Variants in CDK1 observed in about 807,000 individuals in gnomAD.
CDK1 encodes the protein cyclin-dependent kinase 1.
Under a neutral mutation model 34.6 loss-of-function variants are expected in CDK1, and 5 were observed. That is an observed-to-expected ratio of 0.14 (90% CI 0.08 to 0.30). The LOEUF (loss-of-function observed/expected upper bound fraction) is 0.30, where lower values mean the gene tolerates loss of function less well. CDK1 is among the 10% of genes least tolerant of loss of function. CDK1 has a pLI of 1.00. For missense variants in CDK1, 157 were observed against 345.7 expected (o/e 0.45, Z 4.33); for synonymous variants, 108 against 114.7 (o/e 0.94, Z 0.37).
In CDK1 at chr10:60,785,930, A is replaced by C. The variant is rs1246370022; in HGVS notation, c.318+143A>C. 61 of 1,286,960 alleles carry C rather than the reference A, an allele frequency of 4.7e-5. No individual in the cohort carries two copies. In the Admixed American group the frequency reaches 2.1e-3, roughly 44 times the overall value. 79.7% of individuals were successfully genotyped at this position (1,286,960 alleles called of 1,614,324 possible). ...TATTTCATTTTTCTCCCTCATGGTTAGTTTATACAGGTTAGAGATACCCAT... is the reference window on the plus strand; with the variant it reads ...TATTTCATTTTTCTCCCTCATGGTTCGTTTATACAGGTTAGAGATACCCAT... On this transcript the variant is annotated intron_variant, in intron 4 of 7. Transcript: ENST00000395284.
At chr10:60,788,523 T>G (rs568997941) in intron 5 of CDK1, among the ~76,000 whole-genome samples, 297 of 152,198 alleles carry the variant, frequency 2.0e-3, no homozygotes, top group African/African-American at 6.3e-3. Flanking sequence ...TATTTTTTAC[T>G]TTATTTATTT....
chr10:60,784,353 G>A (rs902468004), intron 2 of CDK1, among the ~76,000 whole-genome samples: 5 of 152,152 alleles, frequency 3.3e-5, no homozygotes, highest in African/African-American at 1.2e-4. Flanking sequence ...AGTTTGACCA[G>A]GTGCGGTGGC....
At chr10:60,787,976 G>T in intron 4 of CDK1, 84 bp from the exon 5 acceptor site, 1 of 691,998 alleles carries the variant, frequency 1.4e-6, no homozygotes, top group South Asian at 3.3e-5. Context: ...ATTTCTCTGC[G>T]TCCTAATTTT....
intron 5 of CDK1, among the ~76,000 whole-genome samples, chr10:60,790,219 C>G (rs1419082800): frequency 1.3e-5 from 2 of 152,046 alleles, no homozygotes; most frequent in South Asian, 4.1e-4. Context: ...TGTGCAGAAG[C>G]TTTTTAGTTC....
chr10:60,780,078 A>T (rs1199914045), intron 1 of CDK1, 63 bp from the exon 2 acceptor site: 1 of 791,626 alleles, frequency 1.3e-6, no homozygotes, highest in Non-Finnish European at 2.2e-6. Flanking sequence ...ATAGTGTTTC[A>T]TTAATGCTTA....
At chr10:60,791,098 T>C (rs2080356594) in intron 5 of CDK1, among the ~76,000 whole-genome samples, 1 of 152,156 alleles carries the variant, frequency 6.6e-6, no homozygotes, top group African/African-American at 2.4e-5. Context: ...TTGCACTGAA[T>C]TTGTAGATTG....
intron 5 of CDK1, among the ~76,000 whole-genome samples, chr10:60,788,486 T>C (rs1420978597): frequency 6.6e-6 from 1 of 152,062 alleles, no homozygotes; most frequent in African/African-American, 2.4e-5. Context: ...GAAGGAGTTT[T>C]CCTAGCTACA....
At chr10:60,787,187 AT>A in intron 4 of CDK1, 2 of 371,664 alleles carry the variant, frequency 5.4e-6, no homozygotes, top group Non-Finnish European at 7.4e-6. Context: ...ACCATACTTC[AT>A]TTACCCATAC....
chr10:60,793,136 T>C (rs758685983), intron 7 of CDK1, among the ~76,000 whole-genome samples: 2 of 152,130 alleles, frequency 1.3e-5, no homozygotes, highest in Non-Finnish European at 1.5e-5. Flanking sequence ...GTTACTTCCC[T>C]TCGAGCCTCA....
intron 7 of CDK1, among the ~76,000 whole-genome samples, chr10:60,792,582 C>T (rs1485019901): frequency 3.3e-5 from 5 of 151,748 alleles, no homozygotes; most frequent in Non-Finnish European, 7.4e-5. Context: ...TAGTGGCTCT[C>T]CTTTCTAGCA....
chr10:60,792,406 A>G, intron 7 of CDK1, 117 bp downstream of exon 7: 4 of 874,416 alleles, frequency 4.6e-6, no homozygotes, highest in Admixed American at 2.6e-5. Context: ...GGTGTCTGTT[A>G]TGTACATTGT....
rs3213033 is a variant in CDK1 at position 60,781,505 on chromosome 10, C to T, written c.37+1303C>T. Among the ~76,000 whole-genome samples, 1,225 of 152,154 alleles carry T rather than the reference C, an allele frequency of 8.1e-3. 9 individuals are homozygous for T. The highest frequency in any genetic ancestry group is 0.03 in the South Asian group (143 of 4,808). ...ACACGAAAGATATGATTCAATTGAA[C>T]AATATTATGGAAAGCATTTGTTATG... On this transcript the variant is annotated intron_variant, in intron 2 of 7. Transcript: ENST00000395284.
At chr10:60,791,859 T>A (rs1338920573) in intron 5 of CDK1, 31 bp from the exon 6 acceptor site, 3 of 1,365,990 alleles carry the variant, frequency 2.2e-6, no homozygotes, top group Non-Finnish European at 3.1e-6. Flanking sequence ...TGCACCACAT[T>A]TATTCATTGT....
chr10:60,785,160 G>A (rs1414043076), intron 3 of CDK1, among the ~76,000 whole-genome samples: 2 of 152,058 alleles, frequency 1.3e-5, no homozygotes, highest in African/African-American at 4.8e-5. Context: ...TCCTACTTGG[G>A]GAGCTCTAGT....
intron 4 of CDK1, chr10:60,786,292 C>G (rs540774875): frequency 7.9e-5 from 77 of 979,916 alleles, no homozygotes; most frequent in South Asian, 4.7e-4. Context: ...TATTTGTAAT[C>G]TTACACTTGT....
At chr10:60,779,078 C>T (rs1176099232) in intron 1 of CDK1, among the ~76,000 whole-genome samples, 3 of 152,234 alleles carry the variant, frequency 2.0e-5, no homozygotes, top group Non-Finnish European at 4.4e-5. Flanking sequence ...CGTGGGCCTT[C>T]TTGGGCTTGC....
At position 60,793,872 on chromosome 10, in the gene CDK1, C is replaced by T. The variant is rs3213083; in HGVS notation, c.796-5C>T. The T allele has an allele frequency of 6.9e-4, 1,018 of 1,467,240 alleles. 5 individuals carry two copies. In the African/African-American group the frequency reaches 0.013, roughly 18 times the overall value. 90.9% of individuals were successfully genotyped at this position (1,467,240 alleles called of 1,614,324 possible). On this transcript the variant is annotated splice_region_variant and splice_polypyrimidine_tract_variant and intron_variant, in intron 7 of 7. Transcript: ENST00000395284. The stretch of plus-strand genomic sequence containing the variant: ...ATAAATATCTCTTTTTCTTTTTTCT[C>T]CCAGAAAATGTTAATCTATGATCCA...
chr10:60,781,749 A>T (rs1589109772), intron 2 of CDK1, among the ~76,000 whole-genome samples: 1 of 152,022 alleles, frequency 6.6e-6, no homozygotes, highest in Admixed American at 6.6e-5. Context: ...TACTGGCTTC[A>T]TTTTTTATCT....
chr10:60,780,343 T>C (rs765231614), intron 2 of CDK1, 141 bp downstream of exon 2: 1 of 621,736 alleles, frequency 1.6e-6, no homozygotes, highest in Non-Finnish European at 2.8e-6. Flanking sequence ...ATATGTTCTT[T>C]ACTTAATAAA....
Sources: gnomAD v4.1 joint callset for allele counts (sites outside exome capture counted in the v4.1 genomes callset) on GRCh38, gnomAD v4.1.1 for gene constraint, MANE v1.5 for transcripts, NCBI Gene and HGNC (gene_info 2026-07-23, HGNC 2026-07-21) for gene names.